The following FAT4 variants were observed in gnomAD, a reference collection of about 807,000 sequenced individuals.
FAT4 encodes protocadherin Fat 4.
In FAT4, 84 loss-of-function variants were observed where a neutral mutation model predicts 303.9. The ratio of observed to expected loss-of-function variants is 0.28; its 90% CI spans 0.23 to 0.33. FAT4 has a LOEUF of 0.33. Among genes scored for constraint, FAT4 ranks in the 10% least tolerant of loss-of-function variants. FAT4 has a pLI of 1.00. For missense variants in FAT4, 6,005 were observed against 6,146.8 expected, an observed-to-expected ratio of 0.98 and a Z score of 0.77; for synonymous variants, 2,307 against 2,298.8, an observed-to-expected ratio of 1.00 and a Z score of -0.10.
chr4:125,387,101 C>T (rs1733780898), intron 2 of FAT4, among the ~76,000 whole-genome samples: 1 of 152,180 alleles, frequency 6.6e-6, no homozygotes, highest in Admixed American at 6.5e-5. Context: ...GCTCACTTGC[C>T]CGCCCCTCAC....
At chr4:125,389,538 T>G (rs1353024605) in intron 2 of FAT4, among the ~76,000 whole-genome samples, 1 of 152,212 alleles carries the variant, frequency 6.6e-6, no homozygotes, top group Non-Finnish European at 1.5e-5. Context: ...AGTTTGGGCC[T>G]GCAACAGACT....
In FAT4 at chr4:125,491,908, C is replaced by T; in HGVS notation, c.*140C>T. The T allele has an allele frequency of 1.3e-6, 1 of 785,780 alleles. No individual in the cohort carries two copies. The highest frequency in any genetic ancestry group is 2.0e-6 in the Non-Finnish European group (1 of 503,084). The allele number at this position is 785,780 out of a possible 1,614,324, so 48.7% of individuals were successfully genotyped here. On this transcript the variant is annotated 3_prime_UTR_variant, in exon 18 of 18. Coordinates refer to ENST00000394329, the MANE Select transcript of FAT4 (RefSeq NM_001291303.3). The stretch of plus-strand genomic sequence containing the variant: ...GGAGGGAAAACTTTAAAAATAATAA[C>T]CACAATGCTGCTGAAACAGACTCAC...
intron 2 of FAT4, among the ~76,000 whole-genome samples, chr4:125,333,083 C>G (rs72673284): frequency 6.6e-6 from 1 of 151,776 alleles, no homozygotes; most frequent in African/African-American, 2.4e-5. Context: ...TTAAATGAAT[C>G]TCTAAGTAGT....
chr4:125,447,252 A>G (rs753588595), intron 9 of FAT4, among the ~76,000 whole-genome samples: 3 of 152,150 alleles, frequency 2.0e-5, no homozygotes, highest in Non-Finnish European at 4.4e-5. Flanking sequence ...AAAGAGGAAA[A>G]TATAGAAATA....
chr4:125,338,583 C>T (rs560864550), intron 2 of FAT4, among the ~76,000 whole-genome samples: 9 of 152,206 alleles, frequency 5.9e-5, no homozygotes, highest in Non-Finnish European at 1.2e-4. Context: ...TATCCATGCC[C>T]TCAAGAGACT....
rs779623169 is a variant in FAT4, at chr4:125,416,428, T to A, written c.6844-20T>A. 6.4e-7 allele frequency: 1 copy of A among 1,572,010 alleles called. No individual in the cohort carries two copies. The highest frequency in any genetic ancestry group is 1.8e-5 in the Admixed American group (1 of 54,068). On this transcript the variant is annotated intron_variant, in intron 6 of 17. Coordinates refer to ENST00000394329, the MANE Select transcript of FAT4 (RefSeq NM_001291303.3). Reference sequence around the variant, plus strand: ...TGCATTGTTTGTTTTACTCACATCTTGGTATGTACTGTTCTACAGGTGGTG... The same window carrying A: ...TGCATTGTTTGTTTTACTCACATCTAGGTATGTACTGTTCTACAGGTGGTG...
At chr4:125,384,654 T>C (rs1733666776) in intron 2 of FAT4, among the ~76,000 whole-genome samples, 1 of 152,158 alleles carries the variant, frequency 6.6e-6, no homozygotes, top group African/African-American at 2.4e-5. Flanking sequence ...GTTTAAATTG[T>C]GATGAAGTCT....
Position 125,448,573 on chromosome 4 carries a change from G to C in FAT4, c.7563G>C (p.Arg2521Ser). The C allele has an allele frequency of 1.2e-6, 2 of 1,613,888 alleles. No homozygotes were observed. Among genetic ancestry groups the C allele is most frequent in the Admixed American group, 1.7e-5 (1 of 59,990 alleles). ...NSEKFHIDPL[R>S]GAIMAAGPLN... ...AAAAATTTCACATTGACCCACTGAG[G>C]GGAGCCATTATGGCCGCCGGACCAC... Residue 2521 changes from arginine (R) to serine (S), a missense_variant, in exon 10 of 18, where the codon AGG (arginine) becomes AGC (serine). Coordinates refer to ENST00000394329, the MANE Select transcript of FAT4 (RefSeq NM_001291303.3).
chr4:125,423,097 A>C (rs756044229), intron 7 of FAT4, among the ~76,000 whole-genome samples: 38 of 152,202 alleles, frequency 2.5e-4, no homozygotes, highest in Non-Finnish European at 4.4e-4. Flanking sequence ...GCAGAGCATA[A>C]AAGTTTGGAA....
At chr4:125,351,187 C>T (rs185303766) in intron 2 of FAT4, among the ~76,000 whole-genome samples, 2 of 151,576 alleles carry the variant, frequency 1.3e-5, no homozygotes, top group Non-Finnish European at 3.0e-5. Flanking sequence ...TGCAATTGAT[C>T]ATATGATTTT....
In FAT4 at chr4:125,477,318, C is replaced by A. The variant is rs369311629; in HGVS notation, c.12463C>A (p.Gln4155Lys). Residue 4155 changes from glutamine to lysine, a missense_variant, in exon 14 of 18, where the codon CAA becomes AAA. Transcript: ENST00000394329. Reference protein sequence around the residue: ...PLEPSQALAAQGILDQCPRLE... With the variant: ...PLEPSQALAAKGILDQCPRLE... Reference sequence around the variant, plus strand: ...GGAACCCAGCCAAGCTTTGGCAGCACAAGGCATCCTAGATCAGTATGGCGA... The same window carrying A: ...GGAACCCAGCCAAGCTTTGGCAGCAAAAGGCATCCTAGATCAGTATGGCGA... 17 of 1,577,084 alleles carry A rather than the reference C, an allele frequency of 1.1e-5. No homozygotes were observed. The highest frequency in any genetic ancestry group is 1.8e-5 in the Admixed American group (1 of 56,674).
rs550771697 is a variant in FAT4, at chr4:125,373,676, C to G, written c.5176-25108C>G. On this transcript the variant is annotated intron_variant, in intron 2 of 17. Transcript: ENST00000394329. Reference sequence around the variant, plus strand: ...ACACACTTTTATCTCATTTAAATTTCATAAAAACCCTATGACTGAGGTACT... The same window carrying G: ...ACACACTTTTATCTCATTTAAATTTGATAAAAACCCTATGACTGAGGTACT... 3.9e-5 allele frequency among the ~76,000 whole-genome samples: 6 copies of G among 152,262 alleles called. No individual in the cohort carries two copies. In the South Asian group the frequency reaches 1.2e-3, roughly 32 times the overall value.
chr4:125,378,523 A>T (rs1344386954), intron 2 of FAT4, among the ~76,000 whole-genome samples: 3 of 152,118 alleles, frequency 2.0e-5, no homozygotes, highest in Non-Finnish European at 4.4e-5. Flanking sequence ...TTCTTATCAC[A>T]GATAATCATA....
chr4:125,322,127 G>A (rs1275962706), intron 2 of FAT4, among the ~76,000 whole-genome samples: 2 of 152,136 alleles, frequency 1.3e-5, no homozygotes, highest in African/African-American at 4.8e-5. Context: ...TAATTTTAAT[G>A]TGCTGAGCCA....
At chr4:125,432,818 GAT>G (rs34640347) in intron 7 of FAT4, among the ~76,000 whole-genome samples, 86 of 151,604 alleles carry the variant, frequency 5.7e-4, no homozygotes, top group African/African-American at 1.6e-3. Flanking sequence ...AATATCTTAT[GAT>G]ATATATATAT....
intron 7 of FAT4, among the ~76,000 whole-genome samples, chr4:125,431,496 T>C (rs953563995): frequency 6.6e-6 from 1 of 152,206 alleles, no homozygotes; most frequent in African/African-American, 2.4e-5. Flanking sequence ...CAGAAAACTA[T>C]ATAATAAAAA....
intron 2 of FAT4, among the ~76,000 whole-genome samples, chr4:125,326,858 C>G (rs1731177972): frequency 6.6e-6 from 1 of 152,142 alleles, no homozygotes; most frequent in African/African-American, 2.4e-5. Flanking sequence ...AACCCCATCT[C>G]TACTAAAAAT....
chr4:125,478,770 C>T (rs1242267387), intron 14 of FAT4, among the ~76,000 whole-genome samples: 2 of 152,026 alleles, frequency 1.3e-5, no homozygotes, highest in Admixed American at 1.3e-4. Context: ...ACCTCATGAT[C>T]CACCACCTCA....
At chr4:125,331,196 A>C (rs1272250344) in intron 2 of FAT4, among the ~76,000 whole-genome samples, 1 of 152,022 alleles carries the variant, frequency 6.6e-6, no homozygotes, top group Non-Finnish European at 1.5e-5. Context: ...TATATGTTTC[A>C]TGAGGGGAAA....
Sources: gnomAD v4.1 joint callset for allele counts (sites outside exome capture counted in the v4.1 genomes callset) on GRCh38, gnomAD v4.1.1 for gene constraint, MANE v1.5 for transcripts, NCBI Gene and HGNC (gene_info 2026-07-23, HGNC 2026-07-21) for gene names.